Variants in PTPRA observed in about 807,000 individuals in gnomAD.
The protein encoded by PTPRA is protein tyrosine phosphatase receptor type A, also known as receptor-type tyrosine-protein phosphatase alpha.
In PTPRA, 25 loss-of-function variants were observed where a neutral mutation model predicts 104.8. The observed-to-expected ratio is 0.24, with a 90% CI of 0.17 to 0.33. PTPRA has a LOEUF of 0.33. Ranked by LOEUF, PTPRA falls within the 10% of genes least tolerant of loss-of-function variation. The pLI is 1.00. For synonymous variants in PTPRA, 323 were observed against 368.9 expected, an observed-to-expected ratio of 0.88 and a Z score of 1.43; for missense variants, 765 against 1,015.3, an observed-to-expected ratio of 0.75 and a Z score of 3.35.
At chr20:2,944,775 T>C (rs1435762440) in intron 2 of PTPRA, among the ~76,000 whole-genome samples, 1 of 152,204 alleles carries the variant, frequency 6.6e-6, no homozygotes, top group African/African-American at 2.4e-5. Context: ...AAAAATTGTT[T>C]TTAAATAATT....
In PTPRA at chr20:3,035,803, G is replaced by A. The variant is rs1486198846; in HGVS notation, c.2060G>A (p.Arg687Gln). The change falls in exon 22 of 24, where the codon CGG becomes CAG. Residue 687 changes from arginine to glutamine, a missense_variant. Physicochemically the swap from Arg to Gln is conservative, Grantham distance 43. Around this residue, in one of 4 missense-constraint regions of PTPRA, gnomAD observed 192 missense variants for 227.0 expected, o/e 0.85. Transcript: ENST00000399903. The surrounding 1 kb of genome is among the most constrained non-coding windows in gnomAD (Gnocchi z 5.8). ...TTTTTTCCAAAGGAGAATAAGAGCC[G>A]GCAGATCCGGCAGTTCCACTTCCAT... ...LVTNTRENKS[R>Q]QIRQFHFHGW... 13 of 1,614,062 alleles carry A rather than the reference G, an allele frequency of 8.1e-6. No homozygotes were observed. The highest frequency in any genetic ancestry group is 6.6e-5 in the South Asian group (6 of 91,092).
chr20:2,919,613 A>G (rs1466113400), intron 1 of PTPRA, among the ~76,000 whole-genome samples: 2 of 151,942 alleles, frequency 1.3e-5, no homozygotes, highest in African/African-American at 4.8e-5. Flanking sequence ...GCAAAATCAT[A>G]GTTCACTGCA....
In PTPRA at chr20:2,950,636, C is replaced by G. The variant is rs1013891369; in HGVS notation, c.-7+2612C>G. On this transcript the variant is annotated intron_variant, in intron 3 of 23. Transcript: ENST00000399903. The surrounding 1 kb of genome is among the most constrained non-coding windows in gnomAD (Gnocchi z 4.0). ...CCAGCCTGGGCGACAGAGCGAGACT[C>G]CATCTCAAAAAAAAAAAAAATTTAC... is the stretch of plus-strand genomic sequence containing the variant. 6.6e-6 allele frequency among the ~76,000 whole-genome samples: 1 copy of G among 151,264 alleles called. No homozygotes were observed. The highest frequency in any genetic ancestry group is 1.5e-5 in the Non-Finnish European group (1 of 67,820).
intron 1 of PTPRA, among the ~76,000 whole-genome samples, chr20:2,922,593 C>G (rs1479495718): frequency 6.6e-6 from 1 of 152,050 alleles, no homozygotes; most frequent in Non-Finnish European, 1.5e-5. Context: ...CCGCCTGCCT[C>G]GGCCTCCCAA....
In PTPRA at chr20:2,996,028, T is replaced by C. The variant is rs565773448; in HGVS notation, c.738+7554T>C. Among the ~76,000 whole-genome samples, 14 of 152,356 alleles carry C rather than the reference T, an allele frequency of 9.2e-5. No homozygotes were observed. In the South Asian group the frequency reaches 2.9e-3, roughly 32 times the overall value. ...GGTTGTCAGTTTCTTTCCTTCCATC[T>C]GAACCCAGTAACATCACCCACGTTT... On this transcript the variant is annotated intron_variant, in intron 9 of 23. Coordinates refer to ENST00000399903, the MANE Select transcript of PTPRA (RefSeq NM_001385305.1).
At chr20:3,027,939 T>C in intron 20 of PTPRA, 98 bp downstream of exon 20, 1 of 1,521,254 alleles carries the variant, frequency 6.6e-7, no homozygotes, top group Non-Finnish European at 9.0e-7. Context: ...TGTTTGGACC[T>C]TGTCTTTGAC....
intron 1 of PTPRA, among the ~76,000 whole-genome samples, chr20:2,901,719 A>T (rs564584844): frequency 6.6e-6 from 1 of 152,300 alleles, no homozygotes; most frequent in East Asian, 1.9e-4. Flanking sequence ...TTTACAATAT[A>T]CAATACCTAA....
intron 6 of PTPRA, among the ~76,000 whole-genome samples, chr20:2,984,095 TG>T (rs1248578559): frequency 6.7e-6 from 1 of 150,194 alleles, no homozygotes; most frequent in Non-Finnish European, 1.5e-5. Context: ...GAGGAAGGAG[TG>T]ATCAGCCAGT....
At chr20:2,931,999 C>T (rs2060524610) in intron 2 of PTPRA, among the ~76,000 whole-genome samples, 1 of 152,142 alleles carries the variant, frequency 6.6e-6, no homozygotes, top group South Asian at 2.1e-4. Context: ...AGAACTTTAA[C>T]TTTTTTCTTC....
chr20:2,904,852 A>G (rs1252317550), intron 1 of PTPRA, among the ~76,000 whole-genome samples: 1 of 152,204 alleles, frequency 6.6e-6, no homozygotes, highest in Non-Finnish European at 1.5e-5. Context: ...ATGATCGATT[A>G]CTAAGAATGA....
intron 9 of PTPRA, among the ~76,000 whole-genome samples, chr20:2,993,498 T>TC (rs1228671314): frequency 6.6e-6 from 1 of 152,232 alleles, no homozygotes; most frequent in African/African-American, 2.4e-5. Context: ...AGATGATTTA[T>TC]CACTGAGGCT....
intron 6 of PTPRA, among the ~76,000 whole-genome samples, chr20:2,976,994 C>G (rs2062459414): frequency 6.6e-6 from 1 of 152,088 alleles, no homozygotes; most frequent in Non-Finnish European, 1.5e-5. Context: ...AAAATATATT[C>G]CAGCCAGGTG....
At chr20:2,907,856 G>T (rs1018735556) in intron 1 of PTPRA, among the ~76,000 whole-genome samples, 1 of 151,004 alleles carries the variant, frequency 6.6e-6, no homozygotes, top group East Asian at 1.9e-4. Context: ...TAATATTTTC[G>T]ACTTTTAGAG....
chr20:2,961,984 A>G (rs2061772242), intron 3 of PTPRA, among the ~76,000 whole-genome samples: 3 of 152,186 alleles, frequency 2.0e-5, no homozygotes, highest in Admixed American at 2.0e-4. Context: ...CTAATACCAC[A>G]GTCTTAATTA....
At chr20:2,866,031 T>G in the PTPRA span, 1 of 622,376 alleles carries the variant, frequency 1.6e-6, no homozygotes, top group Non-Finnish European at 2.8e-6. Context: ...AGGTGATTTC[T>G]GCCCTAAGAA....
At chr20:3,011,052 T>C (rs1245131613) in intron 11 of PTPRA, among the ~76,000 whole-genome samples, 1 of 152,258 alleles carries the variant, frequency 6.6e-6, no homozygotes, top group East Asian at 1.9e-4. Flanking sequence ...GTTAAGCAGC[T>C]GAGATGGGGA....
chr20:2,925,929 T>C (rs926347617), intron 2 of PTPRA, among the ~76,000 whole-genome samples: 2 of 152,232 alleles, frequency 1.3e-5, no homozygotes, highest in African/African-American at 4.8e-5. Flanking sequence ...CTGGATCATA[T>C]GGTAACTCCA....
chr20:2,917,566 CTCTT>C (rs1176541511), intron 1 of PTPRA, among the ~76,000 whole-genome samples: 1 of 152,198 alleles, frequency 6.6e-6, no homozygotes, highest in African/African-American at 2.4e-5. Context: ...TTTCCCTCCT[CTCTT>C]AAGAACTTAG....
chr20:3,027,919 G>T, intron 20 of PTPRA, 78 bp downstream of exon 20: 1 of 1,578,382 alleles, frequency 6.3e-7, no homozygotes, highest in Non-Finnish European at 8.6e-7. Flanking sequence ...ACGTTGGGAA[G>T]GCAAGAAGGT....
Sources: allele counts gnomAD v4.1 joint callset (sites outside exome capture counted in the v4.1 genomes callset), GRCh38; gene constraint gnomAD v4.1.1; regional missense constraint gnomAD v4.1.1; non-coding constraint Gnocchi (gnomAD v3.1); transcripts MANE v1.5; gene names NCBI Gene and HGNC (gene_info 2026-07-23, HGNC 2026-07-21).